ADAM12: variants seen among roughly 807,000 people sequenced by gnomAD.
The protein encoded by ADAM12 is disintegrin and metalloproteinase domain-containing protein 12.
In ADAM12, 70 loss-of-function variants were observed where a neutral mutation model predicts 106.4. The ratio of observed to expected loss-of-function variants is 0.66; its 90% CI spans 0.54 to 0.80. The LOEUF (loss-of-function observed/expected upper bound fraction) is 0.80, where lower values mean the gene tolerates loss of function less well. ADAM12 is among the 30% of genes least tolerant of loss of function. The pLI, the probability that ADAM12 is intolerant of heterozygous loss-of-function variation, is 0.00. For missense variants in ADAM12, 1,010 were observed against 1,171.9 expected (o/e 0.86, Z 2.02); for synonymous variants, 420 against 433.5 (o/e 0.97, Z 0.39).
At chr10:126,263,419 C>T (rs1369457928) in intron 3 of ADAM12, among the ~76,000 whole-genome samples, 1 of 152,106 alleles carries the variant, frequency 6.6e-6, no homozygotes, top group African/African-American at 2.4e-5. Flanking sequence ...TTTCATGTTT[C>T]CTTTCCCTTG....
intron 3 of ADAM12, among the ~76,000 whole-genome samples, chr10:126,265,631 C>T (rs2133720913): frequency 6.6e-6 from 1 of 152,256 alleles, no homozygotes; most frequent in African/African-American, 2.4e-5. Flanking sequence ...GAATTACCTA[C>T]CAGTAAACAG....
At chr10:126,322,617 G>T (rs1036529671) in intron 2 of ADAM12, among the ~76,000 whole-genome samples, 1 of 152,198 alleles carries the variant, frequency 6.6e-6, no homozygotes, top group Non-Finnish European at 1.5e-5. Context: ...CAGGAGAGAG[G>T]CTGGCATTTG....
At chr10:126,191,245 G>C (rs952205511) in intron 3 of ADAM12, among the ~76,000 whole-genome samples, 1 of 151,928 alleles carries the variant, frequency 6.6e-6, no homozygotes, top group Non-Finnish European at 1.5e-5. Context: ...CAAGTGATCT[G>C]CCTGCCTCAG....
At chr10:126,125,276 C>T (rs1956186634) in intron 5 of ADAM12, among the ~76,000 whole-genome samples, 1 of 132,988 alleles carries the variant, frequency 7.5e-6, no homozygotes, top group Non-Finnish European at 1.5e-5. Flanking sequence ...AACGGAGTCT[C>T]GCTTTGTCAC....
At chr10:126,089,554 G>A (rs191244871) in intron 11 of ADAM12, among the ~76,000 whole-genome samples, 4 of 152,292 alleles carry the variant, frequency 2.6e-5, no homozygotes, top group Admixed American at 2.6e-4. Flanking sequence ...TCTTAAAAAT[G>A]AGGAAACCTT....
At chr10:126,153,360 G>T (rs1674909) in intron 4 of ADAM12, among the ~76,000 whole-genome samples, 98,501 of 151,334 alleles carry the variant, frequency 0.65, 32,294 homozygotes, top group East Asian at 0.92. Flanking sequence ...ATTTTCATCA[G>T]CAGCTGTCCT....
chr10:126,056,659 ATCTCATTGTTC>A (rs1332671521), intron 14 of ADAM12, among the ~76,000 whole-genome samples: 3 of 31,830 alleles, frequency 9.4e-5, no homozygotes, highest in Non-Finnish European at 1.5e-4. Flanking sequence ...TGTCCATGTG[ATCTCATTGTTC>A]AATTCCCACC....
In ADAM12 at chr10:126,248,432, T is replaced by C. The variant is rs372173820; in HGVS notation, c.260+30483A>G. 2.9e-3 allele frequency among the ~76,000 whole-genome samples: 447 copies of C among 152,178 alleles called. 3 individuals are homozygous for C. Among genetic ancestry groups the C allele is most frequent in the African/African-American group, 0.01 (431 of 41,510 alleles). On this transcript the variant is annotated intron_variant, in intron 3 of 22. Coordinates refer to ENST00000448723, the MANE Select transcript of ADAM12 (RefSeq NM_001288973.2). ...CTGCCACTAAGTCATGGCTGGGCCC[T>C]CCCAAACACAGGCCTTGCCACCCCT...
At chr10:126,367,243 A>C (rs1177004584) in intron 1 of ADAM12, among the ~76,000 whole-genome samples, 1 of 151,956 alleles carries the variant, frequency 6.6e-6, no homozygotes, top group Non-Finnish European at 1.5e-5. Flanking sequence ...AATAAAATAA[A>C]ATTAGAAATT....
At chr10:126,055,111 A>G (rs1954600823) in intron 14 of ADAM12, among the ~76,000 whole-genome samples, 1 of 152,240 alleles carries the variant, frequency 6.6e-6, no homozygotes, top group Non-Finnish European at 1.5e-5. Context: ...CATCCTTTGC[A>G]TATAAATCAG....
intron 3 of ADAM12, among the ~76,000 whole-genome samples, chr10:126,250,533 A>T (rs137901404): frequency 1.1e-4 from 17 of 152,166 alleles, no homozygotes; most frequent in African/African-American, 3.9e-4. Flanking sequence ...ATCCATCAAG[A>T]CTCTTACATG....
At chr10:126,099,616 A>C (rs1468260110) in intron 9 of ADAM12, among the ~76,000 whole-genome samples, 8 of 152,250 alleles carry the variant, frequency 5.3e-5, no homozygotes, top group Non-Finnish European at 7.3e-5. Context: ...CATAAAATGT[A>C]CTTTTAGTAG....
chr10:126,082,363 GTTTTTTTTTTTT>G (rs5788763), intron 11 of ADAM12, among the ~76,000 whole-genome samples: 1 of 80,772 alleles, frequency 1.2e-5, no homozygotes, highest in South Asian at 5.5e-4. Context: ...TCTAATGACT[GTTTTTTTTTTTT>G]TTTTTTTTTT....
chr10:126,384,019 T>C (rs1220499108), intron 1 of ADAM12, among the ~76,000 whole-genome samples: 1 of 152,260 alleles, frequency 6.6e-6, no homozygotes, highest in Non-Finnish European at 1.5e-5. Flanking sequence ...TAGATTTGAC[T>C]GGTTCTGCCT....
intron 2 of ADAM12, among the ~76,000 whole-genome samples, chr10:126,311,401 A>G (rs1041739011): frequency 2.4e-4 from 37 of 152,194 alleles, no homozygotes; most frequent in African/African-American, 8.4e-4. Flanking sequence ...AGAGCAGATG[A>G]GACCTTTGTG....
At chr10:126,211,601 C>T (rs547289194) in intron 3 of ADAM12, among the ~76,000 whole-genome samples, 22 of 151,948 alleles carry the variant, frequency 1.4e-4, no homozygotes, top group Admixed American at 4.6e-4. Context: ...ATCCTGGACC[C>T]TCCAGTAGTC....
At chr10:126,041,550 C>T in intron 18 of ADAM12, 1 of 985,940 alleles carries the variant, frequency 1.0e-6, no homozygotes, top group African/African-American at 1.7e-5. Context: ...GCCCTTTCTC[C>T]TACCTTCTTC....
chr10:126,206,743 T>TTTGCA (rs1349187944), intron 3 of ADAM12, among the ~76,000 whole-genome samples: 1 of 151,570 alleles, frequency 6.6e-6, no homozygotes, highest in Non-Finnish European at 1.5e-5. Flanking sequence ...TTCTTTCTCC[T>TTTGCA]GAAGGCTTTG....
chr10:126,216,991 T>C (rs1222931981), intron 3 of ADAM12, among the ~76,000 whole-genome samples: 1 of 152,246 alleles, frequency 6.6e-6, no homozygotes, highest in Non-Finnish European at 1.5e-5. Flanking sequence ...AATATTTTTC[T>C]GTTTCTCCTG....
Sources: allele counts gnomAD v4.1 joint callset (sites outside exome capture counted in the v4.1 genomes callset), GRCh38; gene constraint gnomAD v4.1.1; transcripts MANE v1.5; gene names NCBI Gene and HGNC (gene_info 2026-07-23, HGNC 2026-07-21).